The following STK35 variants were observed in gnomAD, a reference collection of about 807,000 sequenced individuals.
The protein encoded by STK35 is serine/threonine kinase 35.
In STK35, 17 loss-of-function variants were observed where a neutral mutation model predicts 37.3. The observed-to-expected ratio is 0.46, with a 90% CI of 0.31 to 0.68. The LOEUF (loss-of-function observed/expected upper bound fraction) is 0.68. Among genes scored for constraint, STK35 ranks in the 30% least tolerant of loss-of-function variants. The probability of loss-of-function intolerance (pLI) is 0.05; values close to 1 mark genes in which losing one functional copy is unlikely to be tolerated. For missense variants in STK35, 595 were observed against 746.7 expected, an observed-to-expected ratio of 0.80 and a Z score of 2.37; for synonymous variants, 385 against 319.1, an observed-to-expected ratio of 1.21 and a Z score of -2.20.
chr20:2,122,430 G>C (rs1013334685), intron 3 of STK35, among the ~76,000 whole-genome samples: 20 of 152,148 alleles, frequency 1.3e-4, no homozygotes, highest in African/African-American at 4.6e-4. Flanking sequence ...GTAGATTTCA[G>C]AGTCGCATTT....
At position 2,102,020 on chromosome 20, in the gene STK35, G is replaced by A. The variant is rs986391317; in HGVS notation, c.139G>A (p.Ala47Thr). The A allele has an allele frequency of 1.3e-6, 2 of 1,527,092 alleles. No individual in the cohort carries two copies. The highest frequency in any genetic ancestry group is 1.8e-6 in the Non-Finnish European group (2 of 1,142,748). 94.6% of individuals were successfully genotyped at this position (1,527,092 alleles called of 1,614,324 possible). A position where few individuals can be genotyped will look rare whatever the true frequency, so the allele number is the denominator to read the frequency against. ...SLGAQASPAS[A>T]AAAEGSATRR... ...AGGAGCCCAGGCTTCCCCAGCGAGC[G>A]CCGCGGCAGCAGAAGGATCCGCTAC... Residue 47 changes from alanine (A) to threonine (T), a missense_variant, in exon 1 of 4, where the codon GCC (alanine) becomes ACC (threonine). Physicochemically the swap from Ala to Thr is moderately conservative, Grantham distance 58. Transcript: ENST00000381482.
Position 2,146,747 on chromosome 20 carries a change from G to A in STK35, c.*3001G>A, listed in dbSNP as rs1307191533. On this transcript the variant is annotated 3_prime_UTR_variant, in exon 4 of 4. Transcript: ENST00000381482. ...ACCCTCTTCCTGAGGGCTGTAGCCA[G>A]GTCCGCATCTCCCCACCACCACCAG... 9 of 152,782 alleles carry A rather than the reference G, an allele frequency of 5.9e-5. No individual in the cohort carries two copies. Among genetic ancestry groups the A allele is most frequent in the Admixed American group, 2.0e-4 (3 of 15,274 alleles). The allele number at this position is 152,782 out of a possible 1,614,324, so 9.5% of individuals were successfully genotyped here.
At chr20:2,104,151 GT>G (rs1985467793) in intron 2 of STK35, among the ~76,000 whole-genome samples, 1 of 152,164 alleles carries the variant, frequency 6.6e-6, no homozygotes, top group Non-Finnish European at 1.5e-5. Context: ...AATTATCTTA[GT>G]TTCCGGGTTT....
At chr20:2,102,728 C>T (rs1428856403) in intron 1 of STK35, 40 bp from the exon 2 acceptor site, 2 of 1,362,410 alleles carry the variant, frequency 1.5e-6, no homozygotes, top group Non-Finnish European at 9.5e-7. Flanking sequence ...CTGGCCTCCC[C>T]GCCTTGGCCT....
chr20:2,102,040 C>T lies in STK35; in HGVS notation c.159C>T (p.Ser53=), dbSNP rs1985398123. The T allele has an allele frequency of 3.3e-6, 5 of 1,525,642 alleles. No individual in the cohort carries two copies. Among genetic ancestry groups the T allele is most frequent in the South Asian group, 2.4e-5 (2 of 83,168 alleles). The allele number at this position is 1,525,642 out of a possible 1,614,324, so 94.5% of individuals were successfully genotyped here. Residue 53 remains serine, a synonymous_variant, in exon 1 of 4, where the codon TCC becomes TCT. Transcript: ENST00000381482. ...SPASAAAAEG[S]ATRRARAATS... ...CGAGCGCCGCGGCAGCAGAAGGATC[C>T]GCTACACGCCGGGCTCGGGCCGCCA...
In STK35 at chr20:2,116,808, G is replaced by A. The variant is rs149575734; in HGVS notation, c.1035G>A (p.Thr345=). 56 of 1,613,992 alleles carry A rather than the reference G, an allele frequency of 3.5e-5. No individual in the cohort carries two copies. The highest frequency in any genetic ancestry group is 4.4e-5 in the Non-Finnish European group (52 of 1,180,024). ...ACAAAAGTTTCATGCTACAGCTGAC[G>A]AGCGCCATTGCCTTCCTGCACAAAA... ...ATNKSFMLQL[T]SAIAFLHKNH... The change falls in exon 3 of 4, where the codon ACG becomes ACA. Residue 345 remains threonine, a synonymous_variant. Transcript: ENST00000381482.
Position 2,117,231 on chromosome 20 carries a change from G to T in STK35, c.1458G>T (p.Met486Ile). Reference sequence around the variant, plus strand: ...AGGCGCTGCTAGAAAACCCAAAGATGGAGTTGCACATCCCCCAAAAACGCA... The same window carrying T: ...AGGCGCTGCTAGAAAACCCAAAGATTGAGTTGCACATCCCCCAAAAACGCA... ...VGEALLENPK[M>I]ELHIPQKRRT... The change falls in exon 3 of 4, where the codon ATG becomes ATT. Residue 486 changes from methionine (M) to isoleucine (I), a missense_variant. Physicochemically the swap from Met to Ile is conservative, Grantham distance 10. This residue lies in a region of STK35 where 109 missense variants were observed against 280.3 expected (regional missense o/e 0.39). Coordinates refer to ENST00000381482, the MANE Select transcript of STK35 (RefSeq NM_080836.4). The surrounding 1 kb of genome is among the most constrained non-coding windows in gnomAD (Gnocchi z 4.4). 6.2e-7 allele frequency: 1 copy of T among 1,614,136 alleles called. No individual in the cohort carries two copies. Among genetic ancestry groups the T allele is most frequent in the Non-Finnish European group, 8.5e-7 (1 of 1,180,028 alleles).
rs936143804 is a variant in STK35 at position 2,146,871 on chromosome 20, T to C, written c.*3125T>C. ...CTCTAGCCAGGAGGATGCCTCAGTC[T>C]GTTCATTCGAGACTGGCCCCGTCTG... On this transcript the variant is annotated 3_prime_UTR_variant, in exon 4 of 4. Transcript: ENST00000381482. 4 of 152,394 alleles carry C rather than the reference T, an allele frequency of 2.6e-5. No individual in the cohort carries two copies. Among genetic ancestry groups the C allele is most frequent in the Admixed American group, 6.5e-5 (1 of 15,284 alleles). 9.4% of individuals were successfully genotyped at this position (152,394 alleles called of 1,614,324 possible).
chr20:2,130,429 G>A (rs1985979568), intron 3 of STK35, among the ~76,000 whole-genome samples: 1 of 152,084 alleles, frequency 6.6e-6, no homozygotes, highest in Admixed American at 6.5e-5. Flanking sequence ...ATTTGCATCT[G>A]CTCTCTGCTA....
At position 2,102,135 on chromosome 20, in the gene STK35, G is replaced by C. The variant is rs35569160; in HGVS notation, c.254G>C (p.Gly85Ala). 12,564 of 1,398,500 alleles carry C rather than the reference G, an allele frequency of 9.0e-3. 95 individuals are homozygous for C. The highest frequency in any genetic ancestry group is 0.02 in the Middle Eastern group (78 of 3,820). 86.6% of individuals were successfully genotyped at this position (1,398,500 alleles called of 1,614,324 possible). Residue 85 changes from glycine to alanine, a missense_variant, in exon 1 of 4, where the codon GGG becomes GCG. Transcript: ENST00000381482. Reference protein sequence around the residue: ...GADHPQAGAPGGKRAARKWRC... With the variant: ...GADHPQAGAPAGKRAARKWRC... ...GACCATCCCCAGGCAGGGGCTCCAG[G>C]GGGGAAACGGGCCGCCCGGAAGTGG...
intron 3 of STK35, among the ~76,000 whole-genome samples, chr20:2,119,469 A>G (rs750740232): frequency 2.0e-5 from 3 of 152,274 alleles, no homozygotes; most frequent in African/African-American, 7.2e-5. Context: ...GAACAGCAGA[A>G]TAGTTTAGTT....
chr20:2,108,201 T>C (rs886823372), intron 2 of STK35, among the ~76,000 whole-genome samples: 9 of 152,212 alleles, frequency 5.9e-5, no homozygotes, highest in Non-Finnish European at 1.0e-4. Flanking sequence ...GGCATAATCA[T>C]ATTTTACTCA....
At chr20:2,109,347 A>G (rs1368570932) in intron 2 of STK35, among the ~76,000 whole-genome samples, 2 of 152,374 alleles carry the variant, frequency 1.3e-5, no homozygotes, top group East Asian at 3.9e-4. Context: ...GCCATGGATT[A>G]GGGGTACCCC....
At chr20:2,142,919 G>A (rs895640422) in intron 3 of STK35, among the ~76,000 whole-genome samples, 1 of 152,216 alleles carries the variant, frequency 6.6e-6, no homozygotes, top group Non-Finnish European at 1.5e-5. Context: ...TAGGCCTCCA[G>A]TAGAATAAGC....
At chr20:2,112,520 T>G (rs1458430660) in intron 2 of STK35, among the ~76,000 whole-genome samples, 1 of 152,160 alleles carries the variant, frequency 6.6e-6, no homozygotes, top group Non-Finnish European at 1.5e-5. Context: ...TTTTTAGCCC[T>G]CTGTGAGCTG....
At chr20:2,111,874 C>T (rs1308257939) in intron 2 of STK35, among the ~76,000 whole-genome samples, 1 of 152,208 alleles carries the variant, frequency 6.6e-6, no homozygotes, top group Non-Finnish European at 1.5e-5. Flanking sequence ...TGCCCACTCC[C>T]CTCATCCTGG....
At chr20:2,133,174 G>A (rs539280577) in intron 3 of STK35, among the ~76,000 whole-genome samples, 1 of 152,262 alleles carries the variant, frequency 6.6e-6, no homozygotes, top group African/African-American at 2.4e-5. Flanking sequence ...ACCTCTCTGT[G>A]GGTGTGACCT....
rs1986271019 is a variant in STK35 at position 2,146,531 on chromosome 20, G to A, written c.*2785G>A. 6.5e-6 allele frequency: 1 copy of A among 152,756 alleles called. No individual in the cohort carries two copies. The highest frequency in any genetic ancestry group is 6.5e-5 in the Admixed American group (1 of 15,286). The allele number at this position is 152,756 out of a possible 1,614,324, so 9.5% of individuals were successfully genotyped here. On this transcript the variant is annotated 3_prime_UTR_variant, in exon 4 of 4. Transcript: ENST00000381482. The stretch of plus-strand genomic sequence containing the variant: ...CTCGGCTGTTAGGGATCTGAACTTG[G>A]TTTTCCCGTCAGAAGAATCAGCAGG...
intron 3 of STK35, among the ~76,000 whole-genome samples, chr20:2,123,068 G>T (rs901430650): frequency 6.6e-6 from 1 of 152,150 alleles, no homozygotes; most frequent in African/African-American, 2.4e-5. Flanking sequence ...CTCCGCCCAC[G>T]TGTTACCAGG....
Sources: allele counts gnomAD v4.1 joint callset (sites outside exome capture counted in the v4.1 genomes callset), GRCh38; gene constraint gnomAD v4.1.1; regional missense constraint gnomAD v4.1.1; non-coding constraint Gnocchi (gnomAD v3.1); transcripts MANE v1.5; gene names NCBI Gene and HGNC (gene_info 2026-07-23, HGNC 2026-07-21).